P3H2: variants seen among roughly 807,000 people sequenced by gnomAD.
P3H2 encodes leprecan-like 1.
In P3H2, 80 loss-of-function variants were observed where a neutral mutation model predicts 87.0. That is an observed-to-expected ratio of 0.92 (90% CI 0.77 to 1.11). P3H2 has a LOEUF of 1.11. Ranked by LOEUF, P3H2 falls within the 50% of genes least tolerant of loss-of-function variation. P3H2 has a pLI of 0.00. For missense variants in P3H2, 1,001 were observed against 923.9 expected, an observed-to-expected ratio of 1.08 and a Z score of -1.08; for synonymous variants, 367 against 359.3, an observed-to-expected ratio of 1.02 and a Z score of -0.24.
chr3:190,120,382 G>A lies in P3H2; in HGVS notation c.350C>T (p.Ala117Val), dbSNP rs1301901860. The A allele has an allele frequency of 3.2e-6, 5 of 1,542,320 alleles. No homozygotes were observed. The highest frequency in any genetic ancestry group is 4.3e-6 in the Non-Finnish European group (5 of 1,150,188). Residue 117 changes from alanine (A) to valine (V), a missense_variant, in exon 1 of 15, where the codon GCG becomes GTG. Physicochemically the swap from Ala to Val is moderately conservative, Grantham distance 64. Transcript: ENST00000319332. ...LPLFRSLLGR[A>V]RCYRSCETQR... Reference sequence around the variant, plus strand: ...GGTCTCACAGCTGCGATAACAGCGCGCCCGCCCCAACAAGGAGCGGAAAAG... The same window carrying A: ...GGTCTCACAGCTGCGATAACAGCGCACCCGCCCCAACAAGGAGCGGAAAAG...
intron 1 of P3H2, among the ~76,000 whole-genome samples, chr3:190,006,100 T>C (rs180847297): frequency 1.1e-4 from 17 of 152,316 alleles, no homozygotes; most frequent in Non-Finnish European, 2.1e-4. Flanking sequence ...AGAAAGAAAG[T>C]TCTAGTCCAT....
upstream of P3H2, chr3:190,121,070 G>T (rs1479510119): frequency 6.0e-6 from 2 of 330,730 alleles, no homozygotes; most frequent in African/African-American, 4.3e-5. Context: ...GAGGCCGGCC[G>T]GGGACGAGGC....
At chr3:190,014,564 T>TC (rs1164736676) in intron 1 of P3H2, among the ~76,000 whole-genome samples, 1 of 152,178 alleles carries the variant, frequency 6.6e-6, no homozygotes, top group Non-Finnish European at 1.5e-5. Flanking sequence ...GACTGACGAC[T>TC]GGAGAGAAAT....
At chr3:190,041,597 G>A (rs1725638946) in intron 1 of P3H2, among the ~76,000 whole-genome samples, 1 of 152,108 alleles carries the variant, frequency 6.6e-6, no homozygotes, top group African/African-American at 2.4e-5. Flanking sequence ...TTTGCAACCT[G>A]AAAGGCCTCA....
intron 1 of P3H2, among the ~76,000 whole-genome samples, chr3:190,079,300 C>T (rs1047083397): frequency 2.0e-5 from 3 of 151,142 alleles, no homozygotes; most frequent in East Asian, 1.9e-4. Flanking sequence ...GAGATCACGC[C>T]GCTGCACCAG....
At chr3:190,025,110 G>A (rs1044359349) in intron 1 of P3H2, among the ~76,000 whole-genome samples, 4 of 152,176 alleles carry the variant, frequency 2.6e-5, no homozygotes, top group African/African-American at 7.2e-5. Flanking sequence ...TAAAGCCTAC[G>A]AAATGGGGGC....
At chr3:190,055,828 T>A (rs114715145) in intron 1 of P3H2, among the ~76,000 whole-genome samples, 1 of 152,320 alleles carries the variant, frequency 6.6e-6, no homozygotes. Flanking sequence ...CCATGGAATG[T>A]AGCTCTAAAA....
In P3H2 at chr3:190,083,700, C is replaced by T. The variant is rs1218823926; in HGVS notation, c.480+36552G>A. On this transcript the variant is annotated intron_variant, in intron 1 of 14. Coordinates refer to ENST00000319332, the MANE Select transcript of P3H2 (RefSeq NM_018192.4). ...CACCCATTGATATTTAATCCATTCT[C>T]AAATCATGTATGGCCTCTCAGAGAC... is the stretch of plus-strand genomic sequence containing the variant. Among the ~76,000 whole-genome samples, 6 of 152,288 alleles carry T rather than the reference C, an allele frequency of 3.9e-5. No homozygotes were observed. The South Asian group carries it at 1.0e-3, about 26-fold the overall frequency.
At chr3:190,112,652 T>C (rs1712116701) in intron 1 of P3H2, among the ~76,000 whole-genome samples, 1 of 152,190 alleles carries the variant, frequency 6.6e-6, no homozygotes, top group African/African-American at 2.4e-5. Flanking sequence ...GAGGAAACGA[T>C]ATAGTACAGT....
chr3:190,115,854 G>T (rs1712269348), intron 1 of P3H2, among the ~76,000 whole-genome samples: 1 of 152,170 alleles, frequency 6.6e-6, no homozygotes. Context: ...TAGGTATTTG[G>T]AGGGAAGATG....
chr3:190,012,202 G>C, intron 1 of P3H2, among the ~76,000 whole-genome samples: 1 of 100,614 alleles, frequency 9.9e-6, no homozygotes, highest in Non-Finnish European at 2.1e-5. Context: ...CTGTGTGTAG[G>C]TAAAGGTGTG....
rs1399402797 is a variant in P3H2, at chr3:189,969,646, G to A, written c.1893+1170C>T. On this transcript the variant is annotated intron_variant, in intron 13 of 14. Transcript: ENST00000319332. ...AAGCCCAGATGGTCGCCTGGTAGTT[G>A]ACCTTGGAAGCCAGGATGGTGTGCT... 3 of 1,195,588 alleles carry A rather than the reference G, an allele frequency of 2.5e-6. No homozygotes were observed. In the Admixed American group the frequency reaches 5.0e-5, roughly 20 times the overall value. 74.1% of individuals were successfully genotyped at this position (1,195,588 alleles called of 1,614,324 possible).
At chr3:190,031,995 A>G (rs1725268989) in intron 1 of P3H2, among the ~76,000 whole-genome samples, 1 of 152,200 alleles carries the variant, frequency 6.6e-6, no homozygotes, top group South Asian at 2.1e-4. Flanking sequence ...AGTGTCTACT[A>G]AGTGCTAGAC....
chr3:190,120,268 T>G lies in P3H2; in HGVS notation c.464A>C (p.Gln155Pro). 6.2e-7 allele frequency: 1 copy of G among 1,611,240 alleles called. No homozygotes were observed. Among genetic ancestry groups the G allele is most frequent in the Non-Finnish European group, 8.5e-7 (1 of 1,179,424 alleles). ...FQRRVPYNYL[Q>P]RAYIKLNQLE... Reference sequence around the variant, plus strand: ...TGTGGGTACCTTGATGTAGGCCCGCTGCAGGTAGTTGTAGGGCACTCTGCG... The same window carrying G: ...TGTGGGTACCTTGATGTAGGCCCGCGGCAGGTAGTTGTAGGGCACTCTGCG... The change falls in exon 1 of 15, where the codon CAG becomes CCG. Residue 155 changes from glutamine (Q) to proline (P), a missense_variant. Transcript: ENST00000319332.
intron 1 of P3H2, among the ~76,000 whole-genome samples, chr3:190,025,969 G>C (rs1577280837): frequency 6.6e-6 from 1 of 152,174 alleles, no homozygotes; most frequent in African/African-American, 2.4e-5. Flanking sequence ...GTAAGGGAAA[G>C]TACCTTTTAG....
intron 1 of P3H2, among the ~76,000 whole-genome samples, chr3:190,000,348 ATTT>A (rs1178128544): frequency 6.6e-6 from 1 of 152,156 alleles, no homozygotes; most frequent in East Asian, 1.9e-4. Context: ...GCAAATATTT[ATTT>A]TGCACCAACT....
chr3:189,983,831 T>C (rs1265280366), intron 7 of P3H2, among the ~76,000 whole-genome samples: 1 of 152,166 alleles, frequency 6.6e-6, no homozygotes, highest in Non-Finnish European at 1.5e-5. Context: ...ATGAATAAGC[T>C]GGACCATGTG....
chr3:190,062,651 T>C (rs1035623264), intron 1 of P3H2, among the ~76,000 whole-genome samples: 2 of 152,140 alleles, frequency 1.3e-5, no homozygotes, highest in Admixed American at 6.6e-5. Flanking sequence ...CCAGACTTCC[T>C]TTGTTGGAAT....
intron 1 of P3H2, among the ~76,000 whole-genome samples, chr3:190,072,644 T>C (rs1404852011): frequency 2.6e-5 from 4 of 152,206 alleles, no homozygotes; most frequent in African/African-American, 9.6e-5. Context: ...TCAGTATTTA[T>C]TAAATAGATG....
Sources: gnomAD v4.1 joint callset for allele counts (sites outside exome capture counted in the v4.1 genomes callset) on GRCh38, gnomAD v4.1.1 for gene constraint, MANE v1.5 for transcripts, NCBI Gene and HGNC (gene_info 2026-07-23, HGNC 2026-07-21) for gene names.